The following RNF14 variants were observed in gnomAD, a reference collection of about 807,000 sequenced individuals.
RNF14 encodes the protein E3 ubiquitin-protein ligase RNF14.
A neutral mutation model predicts 52.6 loss-of-function variants in RNF14; 26 were observed. The ratio of observed to expected loss-of-function variants is 0.49; its 90% CI spans 0.36 to 0.69. RNF14 has a LOEUF of 0.69. RNF14 is among the 30% of genes least tolerant of loss of function. RNF14 has a pLI of 0.00. For missense variants in RNF14, 404 were observed against 560.4 expected (o/e 0.72, Z 2.82); for synonymous variants, 194 against 202.0 (o/e 0.96, Z 0.34).
intron 6 of RNF14, among the ~76,000 whole-genome samples, chr5:141,981,887 T>C (rs1177775794): frequency 1.3e-5 from 2 of 151,826 alleles, no homozygotes; most frequent in Non-Finnish European, 2.9e-5. Flanking sequence ...AAATAGTAAT[T>C]ATTAATGCTA....
At position 141,974,858 on chromosome 5, in the gene RNF14, T is replaced by G. The variant is rs1473263621; in HGVS notation, c.209T>G (p.Leu70Arg). The G allele has an allele frequency of 1.9e-6, 3 of 1,614,110 alleles. No homozygotes were observed. The highest frequency in any genetic ancestry group is 4.5e-5 in the East Asian group (2 of 44,876). ...NSGFEYTICF[L>R]PPLVLNFELP... is the part of the protein sequence containing the mutation. The stretch of plus-strand genomic sequence containing the variant: ...GGCTTTGAATACACCATTTGCTTTC[T>G]GCCTCCACTTGTGCTGAACTTTGAA... The change falls in exon 4 of 9, where the codon CTG (leucine) becomes CGG (arginine). Residue 70 changes from leucine to arginine, a missense_variant. Transcript: ENST00000394520.
intron 5 of RNF14, among the ~76,000 whole-genome samples, chr5:141,979,127 A>C (rs959050193): frequency 2.6e-5 from 4 of 152,200 alleles, no homozygotes; most frequent in African/African-American, 9.6e-5. Context: ...GGGAATCACT[A>C]GCTTATTCTT....
rs1448294555 is a variant in RNF14, at chr5:141,988,796, T to A, written c.*1006T>A. On this transcript the variant is annotated 3_prime_UTR_variant, in exon 9 of 9. Transcript: ENST00000394520. Reference sequence around the variant, plus strand: ...ATACTACAGTAGTTCCAGTCCTAACTTTCTGAATTATTTTTAAAGATCTTC... The same window carrying A: ...ATACTACAGTAGTTCCAGTCCTAACATTCTGAATTATTTTTAAAGATCTTC... 6.6e-6 allele frequency: 1 copy of A among 152,344 alleles called. No individual in the cohort carries two copies. The highest frequency in any genetic ancestry group is 1.5e-5 in the Non-Finnish European group (1 of 68,038). The allele number at this position is 152,344 out of a possible 1,614,324, so 9.4% of individuals were successfully genotyped here.
intron 4 of RNF14, among the ~76,000 whole-genome samples, chr5:141,976,029 C>T (rs1477071490): frequency 6.6e-6 from 1 of 152,120 alleles, no homozygotes; most frequent in Non-Finnish European, 1.5e-5. Context: ...ATTTCCCCAT[C>T]CACCAATCTA....
At chr5:141,957,751 T>C (rs1410766107), upstream of RNF14, 4 of 1,612,682 alleles carry the variant, frequency 2.5e-6, no homozygotes, top group Non-Finnish European at 3.4e-6. The surrounding 1 kb of genome is among the most constrained non-coding windows in gnomAD (Gnocchi z 4.3). Flanking sequence ...TGACACTTGG[T>C]ATTTCACCGT....
Position 141,973,583 on chromosome 5 carries a change from G to T in RNF14, c.-6G>T. The T allele has an allele frequency of 6.2e-7, 1 of 1,606,342 alleles. No homozygotes were observed. Among genetic ancestry groups the T allele is most frequent in the Non-Finnish European group, 8.5e-7 (1 of 1,177,810 alleles). The stretch of plus-strand genomic sequence containing the variant: ...TCTTAACTGATTTTAATGTTTTCAG[G>T]TCCTTATGTCGTCAGAAGATCGAGA... On this transcript the variant is annotated splice_region_variant and 5_prime_UTR_variant, in exon 3 of 9. Coordinates refer to ENST00000394520, the MANE Select transcript of RNF14 (RefSeq NM_004290.5).
the RNF14 span, chr5:141,949,609 G>C: frequency 8.1e-6 from 13 of 1,607,962 alleles, no homozygotes; most frequent in African/African-American, 1.7e-4. Flanking sequence ...ACCAGTCCAT[G>C]GGTAGGGACA....
rs1283082501 is a variant in RNF14, at chr5:141,974,828, A to T, written c.179A>T (p.Asn60Ile). 6.2e-7 allele frequency: 1 copy of T among 1,613,930 alleles called. No homozygotes were observed. The highest frequency in any genetic ancestry group is 1.3e-5 in the African/African-American group (1 of 74,936). The change falls in exon 4 of 9, where the codon AAT becomes ATT. Residue 60 changes from asparagine to isoleucine, a missense_variant. By Grantham distance (149) the Asn-to-Ile change is moderately radical. Transcript: ENST00000394520. ...GGCAATTCAAATGAGTGTCTCCAGA[A>T]TAGTGGCTTTGAATACACCATTTGC... ...VSGNSNECLQNSGFEYTICFL... is the reference protein window; with the variant it reads ...VSGNSNECLQISGFEYTICFL...
chr5:141,956,902 G>A (rs1320683738), upstream of RNF14: 4 of 1,614,044 alleles, frequency 2.5e-6, no homozygotes, highest in East Asian at 2.2e-5. Context: ...CACCTCGTAG[G>A]CAGGGTTCTT....
At chr5:141,985,441 A>G (rs771830765) in intron 8 of RNF14, among the ~76,000 whole-genome samples, 1 of 152,200 alleles carries the variant, frequency 6.6e-6, no homozygotes, top group Non-Finnish European at 1.5e-5. Flanking sequence ...TTTTAAAGCT[A>G]TTTGATTGAA....
At chr5:141,984,751 C>G (rs1755088007) in intron 7 of RNF14, 52 bp from the exon 8 acceptor site, 9 of 1,587,644 alleles carry the variant, frequency 5.7e-6, no homozygotes, top group Non-Finnish European at 7.8e-6. Context: ...CATGTGCTGT[C>G]TCTTCTGCTT....
At position 141,988,353 on chromosome 5, in the gene RNF14, G is replaced by GT. The variant is rs1380579035; in HGVS notation, c.*564dup. ...ACTCCGTAACTGACTGGATGGTCCA[G>GT]TGTCATTTTGATCTGCTTTTCAGAA... On this transcript the variant is annotated 3_prime_UTR_variant, in exon 9 of 9. Coordinates refer to ENST00000394520, the MANE Select transcript of RNF14 (RefSeq NM_004290.5). 4 of 152,490 alleles carry GT rather than the reference G, an allele frequency of 2.6e-5. No individual in the cohort carries two copies. The highest frequency in any genetic ancestry group is 7.2e-5 in the African/African-American group (3 of 41,544). The allele number at this position is 152,490 out of a possible 1,614,324, so 9.4% of individuals were successfully genotyped here.
intron 5 of RNF14, 62 bp from the exon 6 acceptor site, chr5:141,980,061 G>T: frequency 1.5e-6 from 2 of 1,330,152 alleles, no homozygotes; most frequent in African/African-American, 1.4e-5. Context: ...CCTAAGAATC[G>T]CCTCAGGTTC....
At chr5:141,986,267 A>G (rs992767082) in intron 8 of RNF14, among the ~76,000 whole-genome samples, 1 of 152,242 alleles carries the variant, frequency 6.6e-6, no homozygotes, top group African/African-American at 2.4e-5. Flanking sequence ...AAGTAAACAC[A>G]TTGGTATTGT....
intron 4 of RNF14, among the ~76,000 whole-genome samples, chr5:141,977,663 T>A (rs1382267365): frequency 2.0e-5 from 3 of 152,158 alleles, no homozygotes; most frequent in African/African-American, 7.2e-5. Flanking sequence ...AGGACCAGGG[T>A]CAATATCAGG....
upstream of RNF14, among the ~76,000 whole-genome samples, chr5:141,966,053 G>C (rs973074373): frequency 2.0e-5 from 3 of 151,708 alleles, no homozygotes; most frequent in Non-Finnish European, 2.9e-5. Flanking sequence ...AGCCAAAGCG[G>C]GTGGATCACT....
rs1276624636 is a variant in RNF14, at chr5:141,987,756, A to C, written c.1391A>C (p.Asp464Ala). ...AGGCTGTTTTATGCTGTGGATGTTG[A>C]CGACGATATTTGGGAAGATGAGGTA... ...FNRLFYAVDV[D>A]DDIWEDEVED The change falls in exon 9 of 9, where the codon GAC (aspartate) becomes GCC (alanine). Residue 464 changes from aspartate (D) to alanine (A), a missense_variant. Physicochemically the swap from Asp to Ala is moderately radical, Grantham distance 126. Transcript: ENST00000394520. The C allele has an allele frequency of 6.2e-7, 1 of 1,613,978 alleles. No homozygotes were observed.
intron 6 of RNF14, 53 bp from the exon 7 acceptor site, chr5:141,983,327 T>G: frequency 7.3e-7 from 1 of 1,364,320 alleles, no homozygotes; most frequent in South Asian, 1.3e-5. Flanking sequence ...TTAATGATTT[T>G]TGGTCAGCAT....
intron 4 of RNF14, among the ~76,000 whole-genome samples, chr5:141,976,951 G>A (rs964778749): frequency 6.6e-6 from 1 of 152,066 alleles, no homozygotes; most frequent in Non-Finnish European, 1.5e-5. Flanking sequence ...ACCACACCTG[G>A]CTAATTTTTT....
Sources: gnomAD v4.1 joint callset for allele counts (sites outside exome capture counted in the v4.1 genomes callset) on GRCh38, gnomAD v4.1.1 for gene constraint, Gnocchi (gnomAD v3.1) non-coding constraint, MANE v1.5 for transcripts, NCBI Gene and HGNC (gene_info 2026-07-23, HGNC 2026-07-21) for gene names.